Variants in TCF4 observed in about 807,000 individuals in gnomAD.
The protein encoded by TCF4 is transcription factor 4.
A neutral mutation model predicts 82.1 loss-of-function variants in TCF4; 3 were observed. The observed-to-expected ratio is 0.04, with a 90% confidence interval of 0.02 to 0.09. The LOEUF (loss-of-function observed/expected upper bound fraction) is 0.09, where lower values mean the gene tolerates loss of function less well. Among genes scored for constraint, TCF4 ranks in the 10% least tolerant of loss-of-function variants. The pLI, the probability that TCF4 is intolerant of heterozygous loss-of-function variation, is 1.00. For missense variants in TCF4, 518 were observed against 852.7 expected, an observed-to-expected ratio of 0.61 and a Z score of 4.89; for synonymous variants, 276 against 309.6, an observed-to-expected ratio of 0.89 and a Z score of 1.14.
chr18:55,559,889 AAAG>A (rs1436781108), intron 3 of TCF4, among the ~76,000 whole-genome samples: 1 of 152,180 alleles, frequency 6.6e-6, no homozygotes, highest in Admixed American at 6.5e-5. Flanking sequence ...GAAGCAAGAA[AAAG>A]AAGCAGACAA....
intron 8 of TCF4, chr18:55,332,029 AC>A (rs1316328238): frequency 6.6e-6 from 1 of 152,204 alleles, no homozygotes; most frequent in Non-Finnish European, 1.5e-5. Context: ...GAGAGGTGAT[AC>A]TGTTATGCCA....
At position 55,588,104 on chromosome 18, in the gene TCF4, C is replaced by T. The variant is rs533414588; in HGVS notation, c.-87G>A. On this transcript the variant is annotated 5_prime_UTR_variant, in exon 1 of 20. Transcript: ENST00000354452. ...CGAGGCGGCGTTCATGTCTAACCGCCGCCGCCACCGCCGCCGCCTGCTCCT... is the reference window on the plus strand; with the variant it reads ...CGAGGCGGCGTTCATGTCTAACCGCTGCCGCCACCGCCGCCGCCTGCTCCT... 7.1e-4 allele frequency: 727 copies of T among 1,024,720 alleles called. 11 individuals carry two copies. In the East Asian group the frequency reaches 0.038, roughly 53 times the overall value. 63.5% of individuals were successfully genotyped at this position (1,024,720 alleles called of 1,614,324 possible). A position where few individuals can be genotyped will look rare whatever the true frequency, so the allele number is the denominator to read the frequency against.
intron 6 of TCF4, among the ~76,000 whole-genome samples, chr18:55,366,279 C>CA (rs1208397527): frequency 6.6e-6 from 1 of 152,158 alleles, no homozygotes; most frequent in African/African-American, 2.4e-5. Flanking sequence ...TACTTTGTGA[C>CA]AAAACCTGAA....
chr18:55,574,642 A>C (rs1443058658), intron 3 of TCF4, among the ~76,000 whole-genome samples: 1 of 152,270 alleles, frequency 6.6e-6, no homozygotes, highest in Non-Finnish European at 1.5e-5. Context: ...CCTGGCCAAC[A>C]TCATTTATTT....
intron 13 of TCF4, among the ~76,000 whole-genome samples, chr18:55,257,887 C>T (rs1410497073): frequency 6.6e-6 from 1 of 151,938 alleles, no homozygotes; most frequent in Non-Finnish European, 1.5e-5. Flanking sequence ...ATCCACTAAG[C>T]CAGAAATTTA....
At position 55,240,774 on chromosome 18, in the gene TCF4, AT is replaced by A. The variant is rs1258851097; in HGVS notation, c.1351-6092del. Among the ~76,000 whole-genome samples the A allele has an allele frequency of 2.0e-5, 3 of 152,308 alleles. No individual in the cohort carries two copies. The East Asian group carries it at 5.8e-4, about 29-fold the overall frequency. ...TCTCAGTTTAAAAAATTATCAGATG[AT>A]TTTTCTTTAGTACATGTGATTAAAC... On this transcript the variant is annotated intron_variant, in intron 15 of 19. Coordinates refer to ENST00000354452, the MANE Select transcript of TCF4 (RefSeq NM_001083962.2).
At chr18:55,350,725 G>A (rs541809000) in intron 7 of TCF4, 149 bp downstream of exon 7, 9 of 1,027,204 alleles carry the variant, frequency 8.8e-6, no homozygotes, top group African/African-American at 4.8e-5. Context: ...AGTGTACTAG[G>A]GGGGAAGTCT....
chr18:55,258,397 G>T (rs1381386793), intron 13 of TCF4, among the ~76,000 whole-genome samples: 1 of 152,108 alleles, frequency 6.6e-6, no homozygotes, highest in Non-Finnish European at 1.5e-5. Context: ...CTTTCACTGA[G>T]ATCATGCTAC....
intron 5 of TCF4, among the ~76,000 whole-genome samples, chr18:55,458,913 G>A (rs935899969): frequency 6.6e-6 from 1 of 152,088 alleles, no homozygotes; most frequent in Non-Finnish European, 1.5e-5. Context: ...ACACTGCGCC[G>A]TTAATGTCAG....
intron 2 of TCF4, chr18:55,585,625 A>T (rs925110296): frequency 7.1e-6 from 4 of 561,692 alleles, no homozygotes; most frequent in Non-Finnish European, 1.1e-5. Flanking sequence ...CAGTCCCCAT[A>T]ATGTTATCAA....
In TCF4 at chr18:55,269,949, G is replaced by C. The variant is rs759417057; in HGVS notation, c.804C>G (p.His268Gln). 2 of 1,613,294 alleles carry C rather than the reference G, an allele frequency of 1.2e-6. No homozygotes were observed. Among genetic ancestry groups the C allele is most frequent in the Non-Finnish European group, 1.7e-6 (2 of 1,179,408 alleles). Residue 268 changes from histidine to glutamine, a missense_variant, in exon 11 of 20, where the codon CAC becomes CAG. By Grantham distance (24) the His-to-Gln change is conservative. Around this residue, in one of 7 missense-constraint regions of TCF4, gnomAD observed 211 missense variants for 327.4 expected, o/e 0.64. Transcript: ENST00000354452. ...HPHERLSYPS[H>Q]SSADINSSLP... ...GACTGGAATTGATGTCTGCTGAGGA[G>C]TGTGATGGATAGCTCTATAGCAAGA... is the stretch of plus-strand genomic sequence containing the variant.
At chr18:55,608,428 A>G (rs573470983) in intron 2 of TCF4, among the ~76,000 whole-genome samples, 1 of 138,340 alleles carries the variant, frequency 7.2e-6, no homozygotes, top group Non-Finnish European at 1.5e-5. Flanking sequence ...TCAAAATGCC[A>G]TCTTGGAAAT....
At chr18:55,458,511 C>A (rs1414942268) in intron 5 of TCF4, among the ~76,000 whole-genome samples, 1 of 152,198 alleles carries the variant, frequency 6.6e-6, no homozygotes, top group African/African-American at 2.4e-5. Context: ...TTTTTATTAT[C>A]ATTTGTAAAT....
chr18:55,407,390 C>A (rs1273023638), intron 5 of TCF4, among the ~76,000 whole-genome samples: 1 of 152,164 alleles, frequency 6.6e-6, no homozygotes, highest in Non-Finnish European at 1.5e-5. Context: ...TGAGCAGACA[C>A]AACATCCGTC....
chr18:55,364,039 A>G (rs1026946305), intron 6 of TCF4, among the ~76,000 whole-genome samples: 1 of 152,220 alleles, frequency 6.6e-6, no homozygotes, highest in Admixed American at 6.5e-5. Flanking sequence ...TATCTGGCAA[A>G]TTAAAATAAG....
chr18:55,275,893 T>C lies in TCF4; in HGVS notation c.656-141A>G, dbSNP rs1047194687. The stretch of plus-strand genomic sequence containing the variant: ...GTTAGCTGATTACATCAGAAGACAG[T>C]CATCATTTCTTCCCAAGTGGCTCTA... On this transcript the variant is annotated intron_variant, in intron 9 of 19. Transcript: ENST00000354452. 8.5e-6 allele frequency: 9 copies of C among 1,052,696 alleles called. No homozygotes were observed. The African/African-American group carries it at 1.4e-4, about 17-fold the overall frequency. The allele number at this position is 1,052,696 out of a possible 1,614,324, so 65.2% of individuals were successfully genotyped here.
intron 3 of TCF4, among the ~76,000 whole-genome samples, chr18:55,489,628 G>T (rs1234965071): frequency 6.6e-6 from 1 of 152,036 alleles, no homozygotes; most frequent in Non-Finnish European, 1.5e-5. Context: ...AAAAACAAAA[G>T]AAACCTTTTA....
At chr18:55,427,953 T>A (rs750403688) in intron 5 of TCF4, among the ~76,000 whole-genome samples, 3 of 152,198 alleles carry the variant, frequency 2.0e-5, no homozygotes, top group Non-Finnish European at 4.4e-5. Flanking sequence ...ACTGATAATT[T>A]ATTACGTGAA....
At chr18:55,470,489 T>C (rs989692372) in intron 3 of TCF4, among the ~76,000 whole-genome samples, 3 of 152,248 alleles carry the variant, frequency 2.0e-5, no homozygotes, top group African/African-American at 7.2e-5. Flanking sequence ...ATTCTCTTTA[T>C]ATCTCAGTGT....
Sources: allele counts gnomAD v4.1 joint callset (sites outside exome capture counted in the v4.1 genomes callset), GRCh38; gene constraint gnomAD v4.1.1; regional missense constraint gnomAD v4.1.1; transcripts MANE v1.5; gene names NCBI Gene and HGNC (gene_info 2026-07-23, HGNC 2026-07-21).